SEPTIN12: variants seen among roughly 807,000 people sequenced by gnomAD.
SEPTIN12 encodes the protein septin-12.
A neutral mutation model predicts 37.7 loss-of-function variants in SEPTIN12; 42 were observed. The observed-to-expected ratio is 1.11, with a 90% CI of 0.87 to 1.44. The LOEUF is 1.44. Ranked by LOEUF, SEPTIN12 falls within the 40% of genes most tolerant of loss-of-function variation. SEPTIN12 has a pLI of 0.00. For missense variants in SEPTIN12, 613 were observed against 479.2 expected (o/e 1.28, Z -2.61); for synonymous variants, 254 against 196.7 (o/e 1.29, Z -2.44).
intron 2 of SEPTIN12, among the ~76,000 whole-genome samples, chr16:4,786,780 G>A (rs1025185860): frequency 6.6e-6 from 1 of 152,104 alleles, no homozygotes; most frequent in Non-Finnish European, 1.5e-5. Flanking sequence ...CCAAGTAGCT[G>A]GGATTCAGGT....
upstream of SEPTIN12, among the ~76,000 whole-genome samples, chr16:4,789,203 G>C (rs183308345): frequency 6.6e-6 from 1 of 152,044 alleles, no homozygotes; most frequent in South Asian, 2.1e-4. Flanking sequence ...GTAGAGAAGG[G>C]GTTTCACCAC....
intron 4 of SEPTIN12, 97 bp from the exon 5 acceptor site, chr16:4,784,165 G>A: frequency 2.8e-6 from 4 of 1,445,350 alleles, no homozygotes; most frequent in Non-Finnish European, 2.9e-6. Flanking sequence ...CCCTTGGGAC[G>A]ACGAATCGTC....
Position 4,783,535 on chromosome 16 carries a change from T to C in SEPTIN12, c.653A>G (p.His218Arg). The part of the protein sequence containing the change: ...RRRIQQNLRT[H>R]CIDVYPQMCF... ...CATCTGGGGGTAGACGTCGATGCAG[T>C]GGGTCCTCAGGTTCTGCTGGATCTG... The change falls in exon 7 of 10, where the codon CAC (histidine) becomes CGC (arginine). Residue 218 changes from histidine to arginine, a missense_variant. His to Arg is a conservative substitution (Grantham distance 29, BLOSUM62 0). Transcript: ENST00000268231. 4.3e-6 allele frequency: 7 copies of C among 1,614,158 alleles called. No homozygotes were observed. Among genetic ancestry groups the C allele is most frequent in the Non-Finnish European group, 5.9e-6 (7 of 1,180,014 alleles).
chr16:4,777,644 T>G lies in SEPTIN12; in HGVS notation c.*153A>C, dbSNP rs80327194. On this transcript the variant is annotated 3_prime_UTR_variant, in exon 10 of 10. Coordinates refer to ENST00000268231, the MANE Select transcript of SEPTIN12 (RefSeq NM_144605.5). The stretch of plus-strand genomic sequence containing the variant: ...CCCAGCCTTTTTATTTGTGGATAGC[T>G]CAAAGAAGTCATTTACAAAATGCCT... 9,154 of 637,762 alleles carry G rather than the reference T, an allele frequency of 0.014. 162 individuals carry two copies. The highest frequency in any genetic ancestry group is 0.045 in the Middle Eastern group (104 of 2,304). 39.5% of individuals were successfully genotyped at this position (637,762 alleles called of 1,614,324 possible).
intron 7 of SEPTIN12, 59 bp from the exon 8 acceptor site, chr16:4,779,845 AAAGTC>A: frequency 8.5e-7 from 1 of 1,170,664 alleles, no homozygotes; most frequent in Non-Finnish European, 1.3e-6. Flanking sequence ...GAAGAGAAGA[AAAGTC>A]AAGGCACCCA....
chr16:4,783,913 C>T lies in SEPTIN12; in HGVS notation c.512+18G>A, dbSNP rs749970438. On this transcript the variant is annotated intron_variant, in intron 5 of 9. Coordinates refer to ENST00000268231, the MANE Select transcript of SEPTIN12 (RefSeq NM_144605.5). ...CCCCGTGCAGGTGGTCCTCGCCTTG[C>T]AGGTGCAGCCCCCTCACCAGTGCCC... 3 of 1,613,836 alleles carry T rather than the reference C, an allele frequency of 1.9e-6. No homozygotes were observed. The highest frequency in any genetic ancestry group is 2.5e-6 in the Non-Finnish European group (3 of 1,179,796).
At position 4,778,473 on chromosome 16, in the gene SEPTIN12, G is replaced by A. The variant is rs911714186; in HGVS notation, c.824-336C>T. On this transcript the variant is annotated intron_variant, in intron 8 of 9. Coordinates refer to ENST00000268231, the MANE Select transcript of SEPTIN12 (RefSeq NM_144605.5). ...TGGGGGTCCTGGAACCACCCTCTGC[G>A]GATAGCATGGGTGCTATATCATAGG... Among the ~76,000 whole-genome samples, 6 of 152,162 alleles carry A rather than the reference G, an allele frequency of 3.9e-5. No homozygotes were observed. In the East Asian group the frequency reaches 7.7e-4, roughly 20 times the overall value.
rs140916588 is a variant in SEPTIN12, at chr16:4,779,782, C to T, written c.731G>A (p.Arg244Gln). 5.3e-5 allele frequency: 86 copies of T among 1,609,058 alleles called. 1 individual carries two copies. The highest frequency in any genetic ancestry group is 6.6e-5 in the Non-Finnish European group (78 of 1,175,518). Residue 244 changes from arginine to glutamine, a missense_variant, in exon 8 of 10, where the codon CGA becomes CAA. Coordinates refer to ENST00000268231, the MANE Select transcript of SEPTIN12 (RefSeq NM_144605.5). Reference protein sequence around the residue: ...DKILNSKLRDRIPFAVVGADQ... With the variant: ...DKILNSKLRDQIPFAVVGADQ... ...AGCCCCTACCACGGCAAAAGGGATTCGGTCCTGGGAAAGGAGAAGACACAG... is the reference window on the plus strand; with the variant it reads ...AGCCCCTACCACGGCAAAAGGGATTTGGTCCTGGGAAAGGAGAAGACACAG...
Position 4,777,770 on chromosome 16 carries a change from C to T in SEPTIN12, c.*27G>A. 4 of 1,470,736 alleles carry T rather than the reference C, an allele frequency of 2.7e-6. No individual in the cohort carries two copies. The highest frequency in any genetic ancestry group is 2.7e-6 in the Non-Finnish European group (3 of 1,103,958). The allele number at this position is 1,470,736 out of a possible 1,614,324, so 91.1% of individuals were successfully genotyped here. On this transcript the variant is annotated 3_prime_UTR_variant, in exon 10 of 10. Coordinates refer to ENST00000268231, the MANE Select transcript of SEPTIN12 (RefSeq NM_144605.5). Reference sequence around the variant, plus strand: ...TGAGAGCCGCTGGGGACTCAGGAAGCCCAGCAGCCCCGGGATCCGCCGGTG... The same window carrying T: ...TGAGAGCCGCTGGGGACTCAGGAAGTCCAGCAGCCCCGGGATCCGCCGGTG...
At chr16:4,791,774 G>C (rs1291269119), upstream of SEPTIN12, among the ~76,000 whole-genome samples, 1 of 152,090 alleles carries the variant, frequency 6.6e-6, no homozygotes, top group East Asian at 1.9e-4. Flanking sequence ...TGCAACCTCT[G>C]CCTCCCGGGT....
chr16:4,784,177 C>T (rs779179574), intron 4 of SEPTIN12, 109 bp from the exon 5 acceptor site: 105 of 1,326,736 alleles, frequency 7.9e-5, no homozygotes, highest in Admixed American at 3.6e-5. Context: ...CGAATCGTCC[C>T]GGTTGGCCCG....
chr16:4,785,893 G>A lies in SEPTIN12; in HGVS notation c.293-5C>T. 6.2e-7 allele frequency: 1 copy of A among 1,613,414 alleles called. No homozygotes were observed. ...TCACACCCTTCTCCTCTATGACTGT[G>A]GAGGGAGAGCAGAGTCGGGAGAGAC... On this transcript the variant is annotated splice_polypyrimidine_tract_variant and splice_region_variant and intron_variant, in intron 3 of 9. Transcript: ENST00000268231.
chr16:4,782,085 G>C (rs540220184), intron 7 of SEPTIN12, among the ~76,000 whole-genome samples: 1 of 151,058 alleles, frequency 6.6e-6, no homozygotes, highest in East Asian at 2.0e-4. Context: ...CCAGTAGCTG[G>C]GATTACAGGT....
rs1416857309 is a variant in SEPTIN12 at position 4,783,694 on chromosome 16, C to T, written c.585G>A (p.Arg195=). The T allele has an allele frequency of 1.2e-6, 2 of 1,614,006 alleles. No homozygotes were observed. The highest frequency in any genetic ancestry group is 2.7e-5 in the African/African-American group (2 of 74,936). The change falls in exon 6 of 10, where the codon AGG becomes AGA. Residue 195 remains arginine (R), a synonymous_variant. Coordinates refer to ENST00000268231, the MANE Select transcript of SEPTIN12 (RefSeq NM_144605.5). The stretch of plus-strand genomic sequence containing the variant: ...GCTCCTCCATGGTCAGGCTGTCGGC[C>T]CTGGCAATCACGGGCACCACATTCA... ...RTVNVVPVIA[R]ADSLTMEERE...
intron 7 of SEPTIN12, among the ~76,000 whole-genome samples, chr16:4,780,156 T>C (rs980484890): frequency 3.3e-5 from 5 of 152,032 alleles, no homozygotes; most frequent in African/African-American, 4.8e-5. Flanking sequence ...TATAATCCCA[T>C]AGCTCACTGC....
upstream of SEPTIN12, chr16:4,789,804 T>C (rs537079204): frequency 5.3e-5 from 8 of 152,328 alleles, no homozygotes; most frequent in East Asian, 1.3e-3. Flanking sequence ...CAGTTAATTC[T>C]TTCTTGTTTC....
In SEPTIN12 at chr16:4,777,668, CTT is replaced by C; in HGVS notation, c.*127_*128del. ...CTCAAAGAAGTCATTTACAAAATGC[CTT>C]TTGTTTTCAAAGCACAGCTTTTCAT... On this transcript the variant is annotated 3_prime_UTR_variant, in exon 10 of 10. Coordinates refer to ENST00000268231, the MANE Select transcript of SEPTIN12 (RefSeq NM_144605.5). The C allele has an allele frequency of 1.4e-6, 1 of 736,586 alleles. No individual in the cohort carries two copies. The highest frequency in any genetic ancestry group is 2.2e-6 in the Non-Finnish European group (1 of 457,046). The allele number at this position is 736,586 out of a possible 1,614,324, so 45.6% of individuals were successfully genotyped here.
chr16:4,778,269 T>G, intron 8 of SEPTIN12, 132 bp from the exon 9 acceptor site: 1 of 944,558 alleles, frequency 1.1e-6, no homozygotes, highest in South Asian at 1.5e-5. Flanking sequence ...GCCTTCCCTT[T>G]GTTGGTTCAT....
At chr16:4,782,849 C>T (rs2038249895) in intron 7 of SEPTIN12, among the ~76,000 whole-genome samples, 1 of 151,644 alleles carries the variant, frequency 6.6e-6, no homozygotes, top group African/African-American at 2.4e-5. Context: ...AGGTGATCCA[C>T]CCACCTCGGC....
Sources: allele counts gnomAD v4.1 joint callset (sites outside exome capture counted in the v4.1 genomes callset), GRCh38; gene constraint gnomAD v4.1.1; transcripts MANE v1.5; gene names NCBI Gene and HGNC (gene_info 2026-07-23, HGNC 2026-07-21).